The following MPZ variants were observed in gnomAD, a reference collection of about 807,000 sequenced individuals.
MPZ encodes myelin protein P0.
MPZ carries 13 observed loss-of-function variants against 27.9 expected under a neutral mutation model. That is an observed-to-expected ratio of 0.47 (90% confidence interval 0.30 to 0.74). The LOEUF is 0.74. MPZ is among the 30% of genes least tolerant of loss of function. The probability of loss-of-function intolerance (pLI) is 0.06; values close to 1 mark genes in which losing one functional copy is unlikely to be tolerated. For synonymous variants in MPZ, 118 were observed against 128.9 expected, an observed-to-expected ratio of 0.92 and a Z score of 0.57; for missense variants, 256 against 317.5, an observed-to-expected ratio of 0.81 and a Z score of 1.47.
chr1:161,309,552 A>ATATATATATATATTTTTTTTTTTT, intron 1 of MPZ, among the ~76,000 whole-genome samples: 1 of 80,666 alleles, frequency 1.2e-5, no homozygotes, highest in African/African-American at 5.8e-5. Context: ...ATATATATAT[A>ATATATATATATATTTTTTTTTTTT]TTTTTTTTTT....
chr1:161,309,552 A>ATATATATTTTTTTTTTTTTT, intron 1 of MPZ, among the ~76,000 whole-genome samples: 23 of 80,614 alleles, frequency 2.9e-4, no homozygotes, highest in Admixed American at 3.9e-4. Context: ...ATATATATAT[A>ATATATATTTTTTTTTTTTTT]TTTTTTTTTT....
At chr1:161,309,340 G>A (rs1200834310) in intron 1 of MPZ, among the ~76,000 whole-genome samples, 1 of 151,960 alleles carries the variant, frequency 6.6e-6, no homozygotes, top group African/African-American at 2.4e-5. Flanking sequence ...AAACCCAGGT[G>A]TTTGAGCCTA....
At chr1:161,303,816 CTA>C (rs773297471), downstream of MPZ, among the ~76,000 whole-genome samples, 5 of 152,116 alleles carry the variant, frequency 3.3e-5, no homozygotes, top group Non-Finnish European at 5.9e-5. Flanking sequence ...CAACAAAAGG[CTA>C]TATATACTCT....
Position 161,306,380 on chromosome 1 carries a change from A to G in MPZ, c.533T>C (p.Val178Ala). The change falls in exon 4 of 6, where the codon GTG becomes GCG. Residue 178 changes from valine (V) to alanine (A), a missense_variant. By Grantham distance (64) the Val-to-Ala change is moderately conservative (BLOSUM62 0). Coordinates refer to ENST00000533357, the MANE Select transcript of MPZ (RefSeq NM_000530.8). ...CCTGCGTAGCCAGCAGTACCGAACC[A>G]CGTAGAAAAGCAGCAGCAGCAACAG... ...VVLLLLLLFYVVRYCWLRRQA... is the reference protein window; with the variant it reads ...VVLLLLLLFYAVRYCWLRRQA... 2 of 1,614,158 alleles carry G rather than the reference A, an allele frequency of 1.2e-6. No individual in the cohort carries two copies. The highest frequency in any genetic ancestry group is 1.7e-6 in the Non-Finnish European group (2 of 1,180,022).
Position 161,305,638 on chromosome 1 carries a change from C to A in MPZ, c.*238G>T, listed in dbSNP as rs1457792200. On this transcript the variant is annotated 3_prime_UTR_variant, in exon 6 of 6. Coordinates refer to ENST00000533357, the MANE Select transcript of MPZ (RefSeq NM_000530.8). ...AGCACCTAGACGGGGGTAAGAGGAGCCTAGGTCCCCCTGCTCTGGCAGGGC... is the reference window on the plus strand; with the variant it reads ...AGCACCTAGACGGGGGTAAGAGGAGACTAGGTCCCCCTGCTCTGGCAGGGC... 1 of 570,912 alleles carries A rather than the reference C, an allele frequency of 1.8e-6. No individual in the cohort carries two copies. The highest frequency in any genetic ancestry group is 2.3e-5 in the South Asian group (1 of 43,952). 35.4% of individuals were successfully genotyped at this position (570,912 alleles called of 1,614,324 possible).
Position 161,305,621 on chromosome 1 carries a change from G to C in MPZ, c.*255C>G, listed in dbSNP as rs998378418. On this transcript the variant is annotated 3_prime_UTR_variant, in exon 6 of 6. Transcript: ENST00000533357. Reference sequence around the variant, plus strand: ...GGGGAGCAAAGAGGGAAAGCACCTAGACGGGGGTAAGAGGAGCCTAGGTCC... The same window carrying C: ...GGGGAGCAAAGAGGGAAAGCACCTACACGGGGGTAAGAGGAGCCTAGGTCC... 2 of 545,378 alleles carry C rather than the reference G, an allele frequency of 3.7e-6. No homozygotes were observed. The highest frequency in any genetic ancestry group is 1.9e-5 in the African/African-American group (1 of 52,592). The allele number at this position is 545,378 out of a possible 1,614,324, so 33.8% of individuals were successfully genotyped here. A position where few individuals can be genotyped will look rare whatever the true frequency, so the allele number is the denominator to read the frequency against.
At chr1:161,307,125 A>T in intron 2 of MPZ, 133 bp downstream of exon 2, 1 of 1,229,328 alleles carries the variant, frequency 8.1e-7, no homozygotes, top group Non-Finnish European at 1.2e-6. Flanking sequence ...GGTGACAAAG[A>T]CTGTCATTTA....
Position 161,306,480 on chromosome 1 carries a change from AAAG to A in MPZ, c.449-19_449-17del. ...CTAGTTGGCACTAGGAGGGGTGGGA[AAAG>A]AAGTGGGAGAATGAGCAGGGCCCTG... On this transcript the variant is annotated splice_polypyrimidine_tract_variant and intron_variant, in intron 3 of 5. Coordinates refer to ENST00000533357, the MANE Select transcript of MPZ (RefSeq NM_000530.8). 1 of 1,614,190 alleles carries A rather than the reference AAAG, an allele frequency of 6.2e-7. No individual in the cohort carries two copies. Among genetic ancestry groups the A allele is most frequent in the Middle Eastern group, 1.6e-4 (1 of 6,062 alleles).
In MPZ at chr1:161,306,689, TC is replaced by T. The variant is rs745398411; in HGVS notation, c.448+18del. The T allele has an allele frequency of 6.2e-7, 1 of 1,611,996 alleles. No homozygotes were observed. Among genetic ancestry groups the T allele is most frequent in the South Asian group, 1.1e-5 (1 of 91,018 alleles). On this transcript the variant is annotated intron_variant, in intron 3 of 5. Coordinates refer to ENST00000533357, the MANE Select transcript of MPZ (RefSeq NM_000530.8). ...TCCCAAACTGCTTCCCATACCCTTG[TC>T]CCCATCCCTTCTCACACCTTTTTCA...
chr1:161,309,947 A>C lies in MPZ; in HGVS notation c.-42T>G. Reference sequence around the variant, plus strand: ...GGGGCCCGGAGCATCTGTGGGGTTGAGAAAGTGGGGGACCAGGAACTGAAC... The same window carrying C: ...GGGGCCCGGAGCATCTGTGGGGTTGCGAAAGTGGGGGACCAGGAACTGAAC... On this transcript the variant is annotated 5_prime_UTR_variant, in exon 1 of 6. Transcript: ENST00000533357. 1 of 1,482,762 alleles carries C rather than the reference A, an allele frequency of 6.7e-7. No homozygotes were observed. The highest frequency in any genetic ancestry group is 2.3e-5 in the East Asian group (1 of 43,180). 91.9% of individuals were successfully genotyped at this position (1,482,762 alleles called of 1,614,324 possible).
chr1:161,305,613 A>G lies in MPZ; in HGVS notation c.*263T>C, dbSNP rs1469302302. On this transcript the variant is annotated 3_prime_UTR_variant, in exon 6 of 6. Transcript: ENST00000533357. ...GCAGGGCGGGGGAGCAAAGAGGGAA[A>G]GCACCTAGACGGGGGTAAGAGGAGC... 7 of 519,686 alleles carry G rather than the reference A, an allele frequency of 1.3e-5. No homozygotes were observed. The Admixed American group carries it at 1.4e-4, about 11-fold the overall frequency. The allele number at this position is 519,686 out of a possible 1,614,324, so 32.2% of individuals were successfully genotyped here.
intron 1 of MPZ, among the ~76,000 whole-genome samples, chr1:161,307,639 A>G (rs556564743): frequency 2.4e-4 from 37 of 152,370 alleles, no homozygotes; most frequent in African/African-American, 8.4e-4. Flanking sequence ...TGTAGAGAAG[A>G]TGAAATCAGC....
downstream of MPZ, among the ~76,000 whole-genome samples, chr1:161,303,648 C>G (rs114999435): frequency 4.7e-3 from 716 of 152,298 alleles, 3 homozygotes; most frequent in African/African-American, 0.016. Flanking sequence ...CCTCATTTGA[C>G]TCTCCTGACA....
At chr1:161,306,535 T>G in intron 3 of MPZ, 71 bp from the exon 4 acceptor site, 1 of 1,600,528 alleles carries the variant, frequency 6.2e-7, no homozygotes, top group Non-Finnish European at 8.6e-7. Flanking sequence ...TCCGAGTGTA[T>G]GCCCTGCATT....
At chr1:161,309,552 A>ATATATATTTTTTTTTTTTTTTTTTT in intron 1 of MPZ, among the ~76,000 whole-genome samples, 1 of 80,650 alleles carries the variant, frequency 1.2e-5, no homozygotes, top group African/African-American at 5.8e-5. Context: ...ATATATATAT[A>ATATATATTTTTTTTTTTTTTTTTTT]TTTTTTTTTT....
rs1382752768 is a variant in MPZ, at chr1:161,306,099, C to T, written c.645+9G>A. On this transcript the variant is annotated intron_variant, in intron 5 of 5. Coordinates refer to ENST00000533357, the MANE Select transcript of MPZ (RefSeq NM_000530.8). ...TTCCCATCTTGTCTAGGCCCCAAGTCCCGCTAACCTGCCGCCCGCGCTTCG... is the reference window on the plus strand; with the variant it reads ...TTCCCATCTTGTCTAGGCCCCAAGTTCCGCTAACCTGCCGCCCGCGCTTCG... 1 of 1,614,206 alleles carries T rather than the reference C, an allele frequency of 6.2e-7. No homozygotes were observed.
At position 161,306,809 on chromosome 1, in the gene MPZ, T is replaced by C. The variant is rs281865130; in HGVS notation, c.347A>G (p.Asn116Ser). Reference protein sequence around the residue: ...RWKDGSIVIHNLDYSDNGTFT... With the variant: ...RWKDGSIVIHSLDYSDNGTFT... ...CGTGCCATTGTCACTGTAGTCTAGG[T>C]TGTGTATGACAATGGAGCCATCCTT... The change falls in exon 3 of 6, where the codon AAC becomes AGC. Residue 116 changes from asparagine to serine, a missense_variant. Asn to Ser is a conservative substitution (Grantham distance 46). This residue lies in a region of MPZ where 155 missense variants were observed against 223.9 expected (regional missense o/e 0.69). Transcript: ENST00000533357. The C allele has an allele frequency of 1.2e-6, 2 of 1,613,800 alleles. No homozygotes were observed. Among genetic ancestry groups the C allele is most frequent in the Non-Finnish European group, 1.7e-6 (2 of 1,179,948 alleles).
chr1:161,306,571 C>T, intron 3 of MPZ, 107 bp from the exon 4 acceptor site: 1 of 1,565,000 alleles, frequency 6.4e-7, no homozygotes, highest in Non-Finnish European at 8.8e-7. Context: ...CCAGCTAAAA[C>T]TGCCTTCTGC....
chr1:161,309,552 A>ATTTTTT (rs1215409194), intron 1 of MPZ, among the ~76,000 whole-genome samples: 2 of 80,666 alleles, frequency 2.5e-5, no homozygotes, highest in African/African-American at 1.2e-4. Flanking sequence ...ATATATATAT[A>ATTTTTT]TTTTTTTTTT....
Sources: gnomAD v4.1 joint callset for allele counts (sites outside exome capture counted in the v4.1 genomes callset) on GRCh38, gnomAD v4.1.1 for gene constraint, gnomAD v4.1.1 regional missense constraint, MANE v1.5 for transcripts, NCBI Gene and HGNC (gene_info 2026-07-23, HGNC 2026-07-21) for gene names.